The following EPB41L4A variants were observed in gnomAD, a reference collection of about 807,000 sequenced individuals.
EPB41L4A encodes erythrocyte membrane protein band 4.1 like 4A.
In EPB41L4A, 100 loss-of-function variants were observed where a neutral mutation model predicts 108.6. The observed-to-expected ratio is 0.92, with a 90% CI of 0.78 to 1.09. The LOEUF is 1.09. Ranked by LOEUF, EPB41L4A falls within the 50% of genes least tolerant of loss-of-function variation. EPB41L4A has a pLI of 0.00. For synonymous variants in EPB41L4A, 319 were observed against 289.0 expected, an observed-to-expected ratio of 1.10 and a Z score of -1.05; for missense variants, 1,030 against 842.7, an observed-to-expected ratio of 1.22 and a Z score of -2.75.
chr5:112,411,881 T>C (rs1485508875), intron 1 of EPB41L4A, among the ~76,000 whole-genome samples: 1 of 152,194 alleles, frequency 6.6e-6, no homozygotes, highest in Non-Finnish European at 1.5e-5. Context: ...ACAGGTCTGA[T>C]GAAGGTCAAG....
intron 12 of EPB41L4A, among the ~76,000 whole-genome samples, chr5:112,233,895 C>A (rs995287990): frequency 3.3e-5 from 5 of 152,100 alleles, no homozygotes; most frequent in African/African-American, 7.2e-5. Context: ...GTGGCATGAT[C>A]ATAGCTCACT....
At chr5:112,411,968 C>G (rs373299900) in intron 1 of EPB41L4A, among the ~76,000 whole-genome samples, 23 of 152,326 alleles carry the variant, frequency 1.5e-4, no homozygotes, top group African/African-American at 5.5e-4. Flanking sequence ...TCACGGCCCC[C>G]ACTGTTCTCT....
At chr5:112,358,293 T>C (rs930960546) in intron 1 of EPB41L4A, among the ~76,000 whole-genome samples, 1 of 152,242 alleles carries the variant, frequency 6.6e-6, no homozygotes, top group Admixed American at 6.5e-5. Context: ...TTTTTTACTC[T>C]CTTACTCCAT....
chr5:112,341,341 T>C (rs1484875494), intron 1 of EPB41L4A, among the ~76,000 whole-genome samples: 1 of 152,214 alleles, frequency 6.6e-6, no homozygotes, highest in Non-Finnish European at 1.5e-5. Context: ...TTCTTACTCC[T>C]CTCATAACCA....
At chr5:112,335,397 C>A (rs909402588) in intron 1 of EPB41L4A, among the ~76,000 whole-genome samples, 1 of 152,148 alleles carries the variant, frequency 6.6e-6, no homozygotes, top group African/African-American at 2.4e-5. Context: ...AAAATGTTTA[C>A]CACTTTCTTT....
At chr5:112,368,189 A>G (rs1418685962) in intron 1 of EPB41L4A, among the ~76,000 whole-genome samples, 1 of 152,222 alleles carries the variant, frequency 6.6e-6, no homozygotes, top group African/African-American at 2.4e-5. Flanking sequence ...ATGGGAAGTA[A>G]CACTTGAAAA....
chr5:112,306,346 T>A (rs926130422), intron 2 of EPB41L4A, among the ~76,000 whole-genome samples: 1 of 152,154 alleles, frequency 6.6e-6, no homozygotes, highest in African/African-American at 2.4e-5. Flanking sequence ...CCACTAGCCT[T>A]TAGAAAGTTA....
intron 4 of EPB41L4A, among the ~76,000 whole-genome samples, chr5:112,272,850 A>C (rs1270800931): frequency 6.6e-6 from 1 of 150,612 alleles, no homozygotes; most frequent in Non-Finnish European, 1.5e-5. Flanking sequence ...AAATAGTAAC[A>C]TGTCAAAAAA....
intron 12 of EPB41L4A, among the ~76,000 whole-genome samples, chr5:112,222,942 GTTTT>G (rs11399684): frequency 7.1e-6 from 1 of 140,202 alleles, no homozygotes; most frequent in East Asian, 2.1e-4. Flanking sequence ...AGTGAAACTA[GTTTT>G]TTTTTTTTTT....
intron 1 of EPB41L4A, among the ~76,000 whole-genome samples, chr5:112,391,689 T>C (rs1232973380): frequency 6.6e-6 from 1 of 152,098 alleles, no homozygotes; most frequent in Non-Finnish European, 1.5e-5. Flanking sequence ...TTTCCCAACC[T>C]AGCAAGGCAG....
chr5:112,362,750 T>C (rs553413919), intron 1 of EPB41L4A, among the ~76,000 whole-genome samples: 3 of 152,214 alleles, frequency 2.0e-5, no homozygotes, highest in Non-Finnish European at 4.4e-5. Context: ...AACAATACTT[T>C]ACTGTTCTCT....
chr5:112,234,858 A>T, intron 11 of EPB41L4A, 103 bp from the exon 12 acceptor site: 1 of 1,246,618 alleles, frequency 8.0e-7, no homozygotes, highest in Non-Finnish European at 1.1e-6. Flanking sequence ...AGAAGAAAAA[A>T]CACACAGACT....
intron 2 of EPB41L4A, among the ~76,000 whole-genome samples, chr5:112,282,015 T>TATGTTCATTATAGTTCAAATAAA (rs1752995651): frequency 1.3e-5 from 2 of 152,286 alleles, no homozygotes; most frequent in South Asian, 4.2e-4. Flanking sequence ...AAATAAAAAC[T>TATGTTCATTATAGTTCAAATAAA]AAAATGTTCA....
chr5:112,194,404 C>T (rs765064064), intron 17 of EPB41L4A, among the ~76,000 whole-genome samples, 164 bp downstream of exon 17: 3 of 152,130 alleles, frequency 2.0e-5, no homozygotes, highest in Non-Finnish European at 4.4e-5. Context: ...AAGAAAACTC[C>T]ACTCAAAGAG....
intron 1 of EPB41L4A, among the ~76,000 whole-genome samples, chr5:112,413,805 C>T (rs964472233): frequency 6.6e-6 from 1 of 152,128 alleles, no homozygotes; most frequent in Non-Finnish European, 1.5e-5. Flanking sequence ...TTTGGGAAAC[C>T]GTGAGCAGTT....
chr5:112,177,397 G>C (rs546700278), intron 18 of EPB41L4A, among the ~76,000 whole-genome samples: 3 of 152,056 alleles, frequency 2.0e-5, no homozygotes, highest in Non-Finnish European at 4.4e-5. Flanking sequence ...GGGCCTACTT[G>C]GATAATCCAG....
Position 112,290,808 on chromosome 5 carries a change from A to G in EPB41L4A, c.205-10485T>C, listed in dbSNP as rs142077969. Among the ~76,000 whole-genome samples, 225 of 152,264 alleles carry G rather than the reference A, an allele frequency of 1.5e-3. 1 individual carries two copies. Among genetic ancestry groups the G allele is most frequent in the African/African-American group, 5.2e-3 (218 of 41,536 alleles). On this transcript the variant is annotated intron_variant, in intron 2 of 22. Transcript: ENST00000261486. ...TTAGCTAACCAAGTAATCTGGCACA[A>G]AGGAGCAAGCCAGCCCAGGGAGCTG...
chr5:112,218,995 T>A (rs1747844659), intron 12 of EPB41L4A, among the ~76,000 whole-genome samples: 1 of 152,200 alleles, frequency 6.6e-6, no homozygotes, highest in African/African-American at 2.4e-5. Flanking sequence ...CCATACCGAT[T>A]CGTTGTGTCA....
At chr5:112,225,633 G>T (rs1020218692) in intron 12 of EPB41L4A, among the ~76,000 whole-genome samples, 2 of 152,136 alleles carry the variant, frequency 1.3e-5, no homozygotes, top group East Asian at 3.9e-4. Flanking sequence ...ACTGTTACTA[G>T]TTTCTAATGT....
Sources: gnomAD v4.1 joint callset for allele counts (sites outside exome capture counted in the v4.1 genomes callset) on GRCh38, gnomAD v4.1.1 for gene constraint, MANE v1.5 for transcripts, NCBI Gene and HGNC (gene_info 2026-07-23, HGNC 2026-07-21) for gene names.